Variants in ZHX3 observed in about 807,000 individuals in gnomAD.
ZHX3 encodes zinc fingers and homeoboxes protein 3.
Under a neutral mutation model 64.5 loss-of-function variants are expected in ZHX3, and 20 were observed. The ratio of observed to expected loss-of-function variants is 0.31; its 90% CI spans 0.22 to 0.45. The LOEUF (loss-of-function observed/expected upper bound fraction) is 0.45. Among genes scored for constraint, ZHX3 ranks in the 20% least tolerant of loss-of-function variants. The pLI is 1.00. For missense variants in ZHX3, 1,041 were observed against 1,195.8 expected (o/e 0.87, Z 1.91); for synonymous variants, 423 against 461.6 (o/e 0.92, Z 1.07).
In ZHX3 at chr20:41,204,462, T is replaced by G; in HGVS notation, c.455A>C (p.Glu152Ala). The G allele has an allele frequency of 6.8e-6, 11 of 1,614,188 alleles. No homozygotes were observed. Among genetic ancestry groups the G allele is most frequent in the Non-Finnish European group, 8.5e-6 (10 of 1,180,036 alleles). ...VAKPDNHVVV[E>A]QSIPESTSTP... ...GCTGGTGCTCTCAGGGATGCTCTGC[T>G]CCACAACCACATGATTGTCTGGCTT... Residue 152 changes from glutamate to alanine, a missense_variant, in exon 3 of 4, where the codon GAG becomes GCG. Physicochemically the swap from Glu to Ala is moderately radical, Grantham distance 107. This residue lies in a region of ZHX3 where 358 missense variants were observed against 369.1 expected (regional missense o/e 0.97). Transcript: ENST00000683867. The surrounding 1 kb of genome is among the most constrained non-coding windows in gnomAD (Gnocchi z 6.6).
rs910345587 is a variant in ZHX3, at chr20:41,201,204, T to C, written c.2860+853A>G. 1.0e-6 allele frequency: 1 copy of C among 1,000,476 alleles called. No homozygotes were observed. The highest frequency in any genetic ancestry group is 1.3e-6 in the Non-Finnish European group (1 of 752,724). The allele number at this position is 1,000,476 out of a possible 1,614,324, so 62.0% of individuals were successfully genotyped here. On this transcript the variant is annotated intron_variant, in intron 3 of 3. Coordinates refer to ENST00000683867, the MANE Select transcript of ZHX3 (RefSeq NM_001384317.1). This position sits in a 1 kb window ranked among gnomAD's most constrained non-coding sequence, Gnocchi z 5.0. ...GTGTCTCCTGTACCCCCTCCCACAT[T>C]GCCAACTCAGCTAGCAATGCTGCCA...
intron 2 of ZHX3, among the ~76,000 whole-genome samples, chr20:41,248,633 A>G (rs1047807032): frequency 6.6e-5 from 10 of 152,234 alleles, no homozygotes; most frequent in Admixed American, 6.5e-4. Context: ...AGTCAATTAC[A>G]TTGACCTAAA....
chr20:41,236,057 C>T (rs914681267), intron 2 of ZHX3, among the ~76,000 whole-genome samples: 1 of 152,158 alleles, frequency 6.6e-6, no homozygotes, highest in Admixed American at 6.6e-5. Flanking sequence ...AGGAATCCAA[C>T]TAACAAGGGA....
At chr20:41,267,641 G>A (rs1384034526) in intron 2 of ZHX3, 1 of 152,234 alleles carries the variant, frequency 6.6e-6, no homozygotes, top group Non-Finnish European at 1.5e-5. Flanking sequence ...AGGATAGAGT[G>A]ATTCCAGGGT....
chr20:41,265,120 A>G, intron 2 of ZHX3, among the ~76,000 whole-genome samples: 1 of 152,182 alleles, frequency 6.6e-6, no homozygotes, highest in East Asian at 1.9e-4. Context: ...ATAAAGGCAG[A>G]TGTTATATAT....
In ZHX3 at chr20:41,218,743, AAAGTTACAAAG is replaced by A. The variant is rs145662745; in HGVS notation, c.-150-13688_-150-13678del. The stretch of plus-strand genomic sequence containing the variant: ...TTGTCAGATTTCTGCTGAAAACAAA[AAAGTTACAAAG>A]AACTCAAGTCTAAATCCTCAAATGT... On this transcript the variant is annotated intron_variant, in intron 2 of 3. Transcript: ENST00000683867. Among the ~76,000 whole-genome samples the A allele has an allele frequency of 1.1e-3, 165 of 152,274 alleles. 1 individual carries two copies. The highest frequency in any genetic ancestry group is 1.6e-3 in the Non-Finnish European group (111 of 68,028).
At position 41,313,170 on chromosome 20, in the gene ZHX3, C is replaced by T. The variant is rs1216052762; in HGVS notation, c.-245+4339G>A. 2.0e-5 allele frequency among the ~76,000 whole-genome samples: 3 copies of T among 152,060 alleles called. No individual in the cohort carries two copies. The South Asian group carries it at 6.2e-4, about 32-fold the overall frequency. On this transcript the variant is annotated intron_variant, in intron 1 of 3. Coordinates refer to ENST00000683867, the MANE Select transcript of ZHX3 (RefSeq NM_001384317.1). ...TAGACAGTACTAACTAACAGTGAGA[C>T]GGAAGGCTGAAGGGGAGAGTAAGGA...
intron 1 of ZHX3, among the ~76,000 whole-genome samples, chr20:41,279,487 T>C (rs1294701687): frequency 6.6e-6 from 1 of 152,126 alleles, no homozygotes; most frequent in Non-Finnish European, 1.5e-5. Flanking sequence ...CTTCTGTAAA[T>C]AGACAGCTAA....
chr20:41,288,520 A>G (rs1203466523), intron 1 of ZHX3, among the ~76,000 whole-genome samples: 2 of 152,216 alleles, frequency 1.3e-5, no homozygotes, highest in Non-Finnish European at 2.9e-5. Flanking sequence ...AGATCTTGAG[A>G]TGTTTCCCTA....
At chr20:41,197,957 C>T (rs1049261732) in intron 3 of ZHX3, among the ~76,000 whole-genome samples, 1 of 150,142 alleles carries the variant, frequency 6.7e-6, no homozygotes, top group African/African-American at 2.4e-5. Context: ...TACAATAGTA[C>T]TGGCTCTTAT....
At position 41,296,232 on chromosome 20, in the gene ZHX3, TAAAAAAAAAAAAAAA is replaced by T. The variant is rs57987896; in HGVS notation, c.-245+21262_-245+21276del. Among the ~76,000 whole-genome samples, 466 of 72,994 alleles carry T rather than the reference TAAAAAAAAAAAAAAA, an allele frequency of 6.4e-3. 2 individuals carry two copies. Among genetic ancestry groups the T allele is most frequent in the African/African-American group, 0.019 (415 of 21,314 alleles). 47.9% of individuals were successfully genotyped at this position (72,994 alleles called of 152,430 possible). On this transcript the variant is annotated intron_variant, in intron 1 of 3. Transcript: ENST00000683867. ...TTCCCTTCTCCTCAAGTTCATAAAG[TAAAAAAAAAAAAAAA>T]AAAAAAAAAAAAAAAAAAAAAATAC...
In ZHX3 at chr20:41,181,102, A is replaced by G. The variant is rs567393481; in HGVS notation, c.*4089T>C. ...TGAGAGAGGTCTGTGCTCTCAGGTAAAAGGAGAGAAGGAAGCTGGGTCAAG... is the reference window on the plus strand; with the variant it reads ...TGAGAGAGGTCTGTGCTCTCAGGTAGAAGGAGAGAAGGAAGCTGGGTCAAG... On this transcript the variant is annotated 3_prime_UTR_variant, in exon 4 of 4. Coordinates refer to ENST00000683867, the MANE Select transcript of ZHX3 (RefSeq NM_001384317.1). The G allele has an allele frequency of 1.3e-5, 2 of 152,350 alleles. No individual in the cohort carries two copies. The highest frequency in any genetic ancestry group is 3.9e-4 in the East Asian group (2 of 5,170). The allele number at this position is 152,350 out of a possible 1,614,324, so 9.4% of individuals were successfully genotyped here.
At chr20:41,277,095 G>A (rs1158931525) in intron 1 of ZHX3, among the ~76,000 whole-genome samples, 1 of 152,200 alleles carries the variant, frequency 6.6e-6, no homozygotes, top group Non-Finnish European at 1.5e-5. Flanking sequence ...GACAGCATGA[G>A]GAAGGAACTT....
intron 2 of ZHX3, among the ~76,000 whole-genome samples, chr20:41,218,923 G>GTTTTTTTTT (rs888061526): frequency 6.5e-5 from 6 of 92,578 alleles, no homozygotes; most frequent in African/African-American, 8.8e-5. Flanking sequence ...AAACAGTGCT[G>GTTTTTTTTT]TTTTTTTTTT....
intron 3 of ZHX3, among the ~76,000 whole-genome samples, chr20:41,187,964 T>C (rs565745217): frequency 1.3e-5 from 2 of 152,240 alleles, no homozygotes; most frequent in Non-Finnish European, 2.9e-5. Context: ...ATACAATATG[T>C]TGTTGCTAAC....
intron 2 of ZHX3, among the ~76,000 whole-genome samples, chr20:41,235,884 CCCA>C (rs1260703741): frequency 6.6e-6 from 1 of 152,154 alleles, no homozygotes; most frequent in Non-Finnish European, 1.5e-5. Flanking sequence ...ATCATCTCAG[CCCA>C]AAATCTCCTT....
chr20:41,233,969 A>G (rs2040795351), intron 2 of ZHX3, among the ~76,000 whole-genome samples: 1 of 152,238 alleles, frequency 6.6e-6, no homozygotes, highest in Non-Finnish European at 1.5e-5. Flanking sequence ...TGCAGATTGT[A>G]CATAGCACAG....
chr20:41,288,794 T>C (rs1000898979), intron 1 of ZHX3, among the ~76,000 whole-genome samples: 5 of 152,208 alleles, frequency 3.3e-5, no homozygotes, highest in Non-Finnish European at 7.3e-5. Flanking sequence ...GCTGCAGGCA[T>C]TTTCATACTA....
chr20:41,202,208 G>A lies in ZHX3; in HGVS notation c.2709C>T (p.Gly903=), dbSNP rs2038284721. ...AVADTGSEDQ[G]PGTGELTAVH... ...CTGCTGTGAGCTCACCAGTACCAGG[G>A]CCCTGGTCCTCACTGCCTGTGTCTG... The change falls in exon 3 of 4, where the codon GGC becomes GGT. Residue 903 remains glycine (G), a synonymous_variant. Coordinates refer to ENST00000683867, the MANE Select transcript of ZHX3 (RefSeq NM_001384317.1). The surrounding 1 kb of genome is among the most constrained non-coding windows in gnomAD (Gnocchi z 7.0). The A allele has an allele frequency of 6.2e-7, 1 of 1,614,102 alleles. No individual in the cohort carries two copies. The highest frequency in any genetic ancestry group is 2.2e-5 in the East Asian group (1 of 44,868).
Sources: gnomAD v4.1 joint callset for allele counts (sites outside exome capture counted in the v4.1 genomes callset) on GRCh38, gnomAD v4.1.1 for gene constraint, gnomAD v4.1.1 regional missense constraint, Gnocchi (gnomAD v3.1) non-coding constraint, MANE v1.5 for transcripts, NCBI Gene and HGNC (gene_info 2026-07-23, HGNC 2026-07-21) for gene names.